CNTNAP2: variants seen among roughly 807,000 people sequenced by gnomAD.
CNTNAP2 encodes contactin-associated protein-like 2.
Under a neutral mutation model 155.2 loss-of-function variants are expected in CNTNAP2, and 98 were observed. The observed-to-expected ratio is 0.63, with a 90% confidence interval of 0.54 to 0.75. CNTNAP2 has a LOEUF of 0.75. Among genes scored for constraint, CNTNAP2 ranks in the 30% least tolerant of loss-of-function variants. CNTNAP2 has a pLI of 0.00. For missense variants in CNTNAP2, 1,727 were observed against 1,688.1 expected (o/e 1.02, Z -0.40); for synonymous variants, 651 against 631.2 (o/e 1.03, Z -0.47).
intron 13 of CNTNAP2, among the ~76,000 whole-genome samples, chr7:147,839,189 T>C (rs113853354): frequency 6.6e-6 from 1 of 152,262 alleles, no homozygotes; most frequent in African/African-American, 2.4e-5. Context: ...GATTAGATTG[T>C]ATCCACCCAG....
At chr7:147,212,001 C>T (rs1180990640) in intron 8 of CNTNAP2, among the ~76,000 whole-genome samples, 3 of 152,052 alleles carry the variant, frequency 2.0e-5, no homozygotes, top group East Asian at 1.9e-4. Context: ...CAAAAATTCT[C>T]GACATCACTA....
chr7:148,369,949 T>G (rs1003440357), intron 21 of CNTNAP2, among the ~76,000 whole-genome samples: 2 of 152,164 alleles, frequency 1.3e-5, no homozygotes, highest in African/African-American at 2.4e-5. Context: ...AGCCTCTTAT[T>G]CAAGAGAGAT....
chr7:147,442,198 C>T (rs563536542), intron 10 of CNTNAP2, among the ~76,000 whole-genome samples: 97 of 152,292 alleles, frequency 6.4e-4, no homozygotes, highest in South Asian at 1.4e-3. Flanking sequence ...TGTCCTGCAG[C>T]TGAGCTGGCA....
rs1486876034 is a variant in CNTNAP2 at position 148,342,939 on chromosome 7, A to G, written c.3476-40710A>G. 4.6e-5 allele frequency among the ~76,000 whole-genome samples: 7 copies of G among 152,264 alleles called. No individual in the cohort carries two copies. In the East Asian group the frequency reaches 1.2e-3, roughly 25 times the overall value. On this transcript the variant is annotated intron_variant, in intron 21 of 23. Transcript: ENST00000361727. ...CAACAAGAAAGGGTTTTCAAAGTGC[A>G]GAAGAAAACTTTATCTGGAAAAGGT...
chr7:146,721,887 A>ATTTTTT (rs1265800742), intron 1 of CNTNAP2, among the ~76,000 whole-genome samples: 1 of 81,996 alleles, frequency 1.2e-5, no homozygotes, highest in African/African-American at 2.0e-4. Flanking sequence ...ATATATATAT[A>ATTTTTT]TATTTTTTTT....
At chr7:147,657,013 G>A (rs985633625) in intron 13 of CNTNAP2, among the ~76,000 whole-genome samples, 8 of 152,074 alleles carry the variant, frequency 5.3e-5, no homozygotes, top group Non-Finnish European at 1.0e-4. Flanking sequence ...ACACACACTC[G>A]TGGTTTCAAA....
At chr7:147,868,215 C>T (rs1177660855) in intron 13 of CNTNAP2, among the ~76,000 whole-genome samples, 1 of 152,184 alleles carries the variant, frequency 6.6e-6, no homozygotes, top group Non-Finnish European at 1.5e-5. Flanking sequence ...CCCTCAGCTG[C>T]AGTTCTGTTG....
At chr7:147,220,557 T>C (rs980631196) in intron 8 of CNTNAP2, among the ~76,000 whole-genome samples, 1 of 152,212 alleles carries the variant, frequency 6.6e-6, no homozygotes, top group Admixed American at 6.5e-5. Context: ...TTAATAGTGA[T>C]ATAATTGGAT....
Position 146,227,188 on chromosome 7 carries a change from G to A in CNTNAP2, c.97+110215G>A, listed in dbSNP as rs562572891. Among the ~76,000 whole-genome samples the A allele has an allele frequency of 4.6e-5, 7 of 152,232 alleles. No individual in the cohort carries two copies. In the South Asian group the frequency reaches 1.5e-3, roughly 32 times the overall value. On this transcript the variant is annotated intron_variant, in intron 1 of 23. Transcript: ENST00000361727. The stretch of plus-strand genomic sequence containing the variant: ...CGCCTGTATTCCCAGCTCTTTGGGA[G>A]GCCAAGGAGGGTGGATCACTTGAGG...
intron 1 of CNTNAP2, among the ~76,000 whole-genome samples, chr7:146,217,844 T>A (rs1354829926): frequency 6.6e-6 from 1 of 152,140 alleles, no homozygotes; most frequent in Non-Finnish European, 1.5e-5. Flanking sequence ...TCAAAACATA[T>A]TCGGTGGTAA....
Position 147,300,406 on chromosome 7 carries a change from A to ATAAC in CNTNAP2, c.1498+116_1498+117insTAAC, listed in dbSNP as rs1554466059. 1.5e-5 allele frequency: 16 copies of ATAAC among 1,077,990 alleles called. No individual in the cohort carries two copies. The Admixed American group carries it at 2.2e-4, about 15-fold the overall frequency. The allele number at this position is 1,077,990 out of a possible 1,614,324, so 66.8% of individuals were successfully genotyped here. On this transcript the variant is annotated intron_variant, in intron 9 of 23. Coordinates refer to ENST00000361727, the MANE Select transcript of CNTNAP2 (RefSeq NM_014141.6). Reference sequence around the variant, plus strand: ...CAACTGACTCAGTAGATCTCATGACAAAACAAACTGTAATTCCACTGAGCA... The same window carrying ATAAC: ...CAACTGACTCAGTAGATCTCATGACATAACAAACAAACTGTAATTCCACTGAGCA...
chr7:146,771,674 A>G, intron 1 of CNTNAP2, among the ~76,000 whole-genome samples: 1 of 152,236 alleles, frequency 6.6e-6, no homozygotes, highest in East Asian at 1.9e-4. Context: ...TTTTACAAAT[A>G]TTATATGAAG....
chr7:147,377,140 C>T (rs1294299587), intron 9 of CNTNAP2, among the ~76,000 whole-genome samples: 1 of 150,734 alleles, frequency 6.6e-6, no homozygotes, highest in Admixed American at 6.6e-5. Flanking sequence ...TTCTTCTCCC[C>T]CCCCTTTTGG....
chr7:148,411,777 A>G lies in CNTNAP2; in HGVS notation c.3796+2306A>G, dbSNP rs190574021. ...ATGAATATCTAGTCATTCCAAGACCATTTGTTGAAAAAAAAAAAACTATAC... is the reference window on the plus strand; with the variant it reads ...ATGAATATCTAGTCATTCCAAGACCGTTTGTTGAAAAAAAAAAAACTATAC... On this transcript the variant is annotated intron_variant, in intron 23 of 23. Coordinates refer to ENST00000361727, the MANE Select transcript of CNTNAP2 (RefSeq NM_014141.6). 1.8e-4 allele frequency among the ~76,000 whole-genome samples: 18 copies of G among 101,970 alleles called. 1 individual carries two copies. 66.9% of individuals were successfully genotyped at this position (101,970 alleles called of 152,430 possible). A position where few individuals can be genotyped will look rare whatever the true frequency, so the allele number is the denominator to read the frequency against.
intron 1 of CNTNAP2, among the ~76,000 whole-genome samples, chr7:146,674,781 G>A (rs2129168775): frequency 6.6e-6 from 1 of 152,268 alleles, no homozygotes; most frequent in South Asian, 2.1e-4. Flanking sequence ...GGAGTAGGTT[G>A]TGGGAAAATG....
At chr7:146,546,191 T>C (rs555388274) in intron 1 of CNTNAP2, among the ~76,000 whole-genome samples, 87 of 151,996 alleles carry the variant, frequency 5.7e-4, no homozygotes, top group Non-Finnish European at 1.1e-3. Flanking sequence ...GAGGGAAGAC[T>C]GATGTTGGGA....
chr7:147,192,374 T>G (rs779429052), intron 8 of CNTNAP2, among the ~76,000 whole-genome samples: 3 of 152,150 alleles, frequency 2.0e-5, no homozygotes, highest in African/African-American at 4.8e-5. Context: ...ACTGAAATTT[T>G]ACCCAAGGAC....
At chr7:146,147,075 G>A (rs28736879) in intron 1 of CNTNAP2, among the ~76,000 whole-genome samples, 3,064 of 152,142 alleles carry the variant, frequency 0.02, 95 homozygotes, top group African/African-American at 0.068. Flanking sequence ...ATGATAACCC[G>A]GAAGTGACCA....
chr7:147,082,896 G>A (rs1364924114), intron 4 of CNTNAP2: 7 of 151,950 alleles, frequency 4.6e-5, no homozygotes, highest in Admixed American at 3.3e-4. Context: ...CCCATCTTGG[G>A]GTCAAGATGG....
Sources: allele counts gnomAD v4.1 joint callset (sites outside exome capture counted in the v4.1 genomes callset), GRCh38; gene constraint gnomAD v4.1.1; transcripts MANE v1.5; gene names NCBI Gene and HGNC (gene_info 2026-07-23, HGNC 2026-07-21).